Variants in CASP5 observed in about 807,000 individuals in gnomAD.
The protein encoded by CASP5 is caspase 5, also known as caspase-5.
Under a neutral mutation model 45.2 loss-of-function variants are expected in CASP5, and 42 were observed. That is an observed-to-expected ratio of 0.93 (90% CI 0.73 to 1.20). CASP5 has a LOEUF of 1.20. CASP5 is among the 50% of genes most tolerant of loss of function. The probability of loss-of-function intolerance (pLI) is 0.00; values close to 1 mark genes in which losing one functional copy is unlikely to be tolerated. For missense variants in CASP5, 512 were observed against 532.2 expected (o/e 0.96, Z 0.37); for synonymous variants, 209 against 186.2 (o/e 1.12, Z -1.00).
Position 105,007,171 on chromosome 11 carries a change from C to A in CASP5, c.345G>T (p.Leu115Phe), listed in dbSNP as rs768531296. The change falls in exon 3 of 10, where the codon TTG becomes TTT. Residue 115 changes from leucine to phenylalanine, a missense_variant. Transcript: ENST00000260315. ...DTKIEDKALI[L>F]VDSLRKNRVA... ...CGCGATTCTTTCGCAAAGAGTCTAC[C>A]AAGATCAGGGCCTTGTCTTCAATTT... The A allele has an allele frequency of 2.1e-5, 34 of 1,613,732 alleles. No homozygotes were observed. The South Asian group carries it at 3.0e-4, about 14-fold the overall frequency.
chr11:104,999,130 T>C (rs1250414422), intron 6 of CASP5, 102 bp from the exon 7 acceptor site: 17 of 1,015,812 alleles, frequency 1.7e-5, no homozygotes, highest in Non-Finnish European at 2.1e-5. Context: ...TGTACCATTG[T>C]GGTTTGCTGC....
chr11:105,003,465 G>C (rs1861850891), intron 3 of CASP5, 82 bp from the exon 4 acceptor site: 2 of 717,624 alleles, frequency 2.8e-6, no homozygotes, highest in Non-Finnish European at 4.7e-6. Flanking sequence ...GAGAGAGAGA[G>C]AGAGAAATCC....
intron 9 of CASP5, chr11:104,995,385 G>A (rs1861413742): frequency 6.0e-6 from 1 of 165,612 alleles, no homozygotes; most frequent in Non-Finnish European, 1.3e-5. Context: ...AACTAAGTGT[G>A]GCAGGTGGGA....
At chr11:105,009,054 C>T (rs761602214) in intron 1 of CASP5, 74 bp from the exon 2 acceptor site, 2 of 1,356,946 alleles carry the variant, frequency 1.5e-6, no homozygotes, top group East Asian at 2.3e-5. Context: ...AGACAAAGCT[C>T]TGTAATGTGA....
At chr11:105,000,181 T>C in intron 6 of CASP5, 80 bp downstream of exon 6, 2 of 1,453,106 alleles carry the variant, frequency 1.4e-6, no homozygotes, top group South Asian at 1.1e-5. Flanking sequence ...TCTAACATTG[T>C]TTCCCCTAAA....
intron 1 of CASP5, among the ~76,000 whole-genome samples, chr11:105,017,366 G>A (rs561883034): frequency 1.1e-4 from 17 of 152,228 alleles, no homozygotes; most frequent in Middle Eastern, 3.4e-3. Context: ...TCCGAGCTAC[G>A]GGAGGACATT....
chr11:105,014,131 C>T (rs942282557), intron 1 of CASP5, among the ~76,000 whole-genome samples: 1 of 152,134 alleles, frequency 6.6e-6, no homozygotes, highest in African/African-American at 2.4e-5. Flanking sequence ...TTATTCTAAC[C>T]TAGGCCTTCT....
intron 1 of CASP5, among the ~76,000 whole-genome samples, 174 bp downstream of exon 1, chr11:105,022,956 T>C (rs774836630): frequency 4.1e-5 from 6 of 147,668 alleles, no homozygotes; most frequent in Non-Finnish European, 7.6e-5. Context: ...TCTCCTTCAG[T>C]GTCTCTACAC....
At chr11:104,995,626 C>T (rs965859897) in intron 9 of CASP5, 114 bp downstream of exon 9, 2 of 632,628 alleles carry the variant, frequency 3.2e-6, no homozygotes, top group Non-Finnish European at 5.6e-6. Flanking sequence ...CAGACTACAT[C>T]AATAAAGAAC....
chr11:105,002,219 G>T lies in CASP5; in HGVS notation c.544-18C>A, dbSNP rs1318366688. On this transcript the variant is annotated intron_variant, in intron 4 of 9. Transcript: ENST00000260315. Reference sequence around the variant, plus strand: ...GGATAGATCTGCAGGAGATGGAGATGAAGCAACTTTGATTACCCGAGTCTC... The same window carrying T: ...GGATAGATCTGCAGGAGATGGAGATTAAGCAACTTTGATTACCCGAGTCTC... 2 of 1,611,312 alleles carry T rather than the reference G, an allele frequency of 1.2e-6. No individual in the cohort carries two copies. The highest frequency in any genetic ancestry group is 1.7e-6 in the Non-Finnish European group (2 of 1,178,708).
At chr11:105,003,169 C>T in intron 4 of CASP5, 105 bp downstream of exon 4, 3 of 756,160 alleles carry the variant, frequency 4.0e-6, no homozygotes, top group Non-Finnish European at 4.6e-6. Flanking sequence ...CACAGCACTC[C>T]AGGCTGGGCA....
chr11:105,003,145 A>G, intron 4 of CASP5, 129 bp downstream of exon 4: 2 of 653,980 alleles, frequency 3.1e-6, no homozygotes, highest in South Asian at 3.6e-5. Flanking sequence ...GATAGCAGTC[A>G]GCTATGATCA....
At chr11:104,995,900 T>C in intron 8 of CASP5, 58 bp from the exon 9 acceptor site, 1 of 1,081,612 alleles carries the variant, frequency 9.2e-7, no homozygotes. Context: ...GAATGCATCT[T>C]ACACCATGAA....
At chr11:104,994,450 GC>G (rs940695967) in intron 9 of CASP5, 103 bp from the exon 10 acceptor site, 2 of 152,166 alleles carry the variant, frequency 1.3e-5, no homozygotes, top group Admixed American at 6.6e-5. Context: ...ATATGCTTTT[GC>G]CATTTCCCTC....
chr11:105,000,346 G>A lies in CASP5; in HGVS notation c.867C>T (p.Asp289=), dbSNP rs1170200253. The change falls in exon 6 of 10, where the codon GAC becomes GAT. Residue 289 remains aspartate, a synonymous_variant. Coordinates refer to ENST00000260315, the MANE Select transcript of CASP5 (RefSeq NM_004347.5). ...GGTTGTTGAATATCTGGAAGATGGT[G>A]TCATAAAGCAGCACATCCGGTTTTT... ...KKKKPDVLLY[D]TIFQIFNNRN... 2.5e-6 allele frequency: 4 copies of A among 1,614,238 alleles called. No homozygotes were observed. In the East Asian group the frequency reaches 6.7e-5, roughly 27 times the overall value.
At chr11:104,995,622 A>G in intron 9 of CASP5, 118 bp downstream of exon 9, 1 of 618,868 alleles carries the variant, frequency 1.6e-6, no homozygotes, top group East Asian at 2.7e-5. Context: ...TCACCAGACT[A>G]CATCAATAAA....
chr11:105,000,550 C>T, intron 5 of CASP5, 55 bp from the exon 6 acceptor site: 1 of 1,501,488 alleles, frequency 6.7e-7, no homozygotes, highest in Non-Finnish European at 9.2e-7. Context: ...TTAATAGGAC[C>T]TCCTAGATTT....
intron 8 of CASP5, among the ~76,000 whole-genome samples, chr11:104,996,897 T>G (rs1295419534): frequency 6.6e-6 from 1 of 152,176 alleles, no homozygotes; most frequent in Non-Finnish European, 1.5e-5. Flanking sequence ...ATTTCTTTTT[T>G]ATTCCCTGTT....
intron 3 of CASP5, among the ~76,000 whole-genome samples, chr11:105,005,965 C>T (rs1861982249): frequency 6.6e-6 from 1 of 152,100 alleles, no homozygotes; most frequent in Non-Finnish European, 1.5e-5. Flanking sequence ...GGGAAACTTT[C>T]CCCACAGAGA....
Sources: gnomAD v4.1 joint callset for allele counts (sites outside exome capture counted in the v4.1 genomes callset) on GRCh38, gnomAD v4.1.1 for gene constraint, MANE v1.5 for transcripts, NCBI Gene and HGNC (gene_info 2026-07-23, HGNC 2026-07-21) for gene names.